The following MGRN1 variants were observed in gnomAD, a reference collection of about 807,000 sequenced individuals.
MGRN1 encodes mahogunin ring finger 1.
Under a neutral mutation model 69.2 loss-of-function variants are expected in MGRN1, and 29 were observed. That is an observed-to-expected ratio of 0.42 (90% CI 0.31 to 0.57). The LOEUF is 0.57. Ranked by LOEUF, MGRN1 falls within the 20% of genes least tolerant of loss-of-function variation. MGRN1 has a pLI of 0.15. For synonymous variants in MGRN1, 470 were observed against 344.2 expected (o/e 1.37, Z -4.04); for missense variants, 998 against 796.2 (o/e 1.25, Z -3.05).
intron 8 of MGRN1, among the ~76,000 whole-genome samples, chr16:4,668,718 TCA>T (rs768405738): frequency 3.9e-4 from 57 of 147,550 alleles, no homozygotes; most frequent in African/African-American, 1.3e-3. Context: ...TCACACTCAC[TCA>T]CATATACATA....
chr16:4,626,140 A>G (rs1897667090), intron 1 of MGRN1, among the ~76,000 whole-genome samples: 1 of 152,216 alleles, frequency 6.6e-6, no homozygotes, highest in South Asian at 2.1e-4. Flanking sequence ...AGGTTTTGTA[A>G]GGTGTGACTA....
intron 1 of MGRN1, 185 bp from the exon 2 acceptor site, chr16:4,650,180 G>C: frequency 2.0e-6 from 1 of 509,946 alleles, no homozygotes; most frequent in South Asian, 2.3e-5. Context: ...GTGGGTGCCG[G>C]TAATCCCAGC....
rs34264611 is a variant in MGRN1, at chr16:4,642,128, CTT to C, written c.89-8220_89-8219del. Among the ~76,000 whole-genome samples the C allele has an allele frequency of 1.7e-4, 22 of 128,752 alleles. 1 individual carries two copies. The East Asian group carries it at 4.6e-3, about 27-fold the overall frequency. 84.5% of individuals were successfully genotyped at this position (128,752 alleles called of 152,430 possible). A position where few individuals can be genotyped will look rare whatever the true frequency, so the allele number is the denominator to read the frequency against. Reference sequence around the variant, plus strand: ...TCCCTGTCAGCATATGACTTGGTTCCTTTTTTTTTTTTTTTTTTAAAAAAGAC... The same window carrying C: ...TCCCTGTCAGCATATGACTTGGTTCCTTTTTTTTTTTTTTTTAAAAAAGAC... On this transcript the variant is annotated intron_variant, in intron 1 of 16. Transcript: ENST00000262370.
At chr16:4,670,495 G>C (rs187693938) in intron 8 of MGRN1, among the ~76,000 whole-genome samples, 3 of 152,198 alleles carry the variant, frequency 2.0e-5, no homozygotes, top group South Asian at 2.1e-4. Flanking sequence ...CACCAGCCTC[G>C]GCCTCCTACT....
rs769855682 is a variant in MGRN1 at position 4,625,531 on chromosome 16, G to C, written c.88+483G>C. On this transcript the variant is annotated intron_variant, in intron 1 of 16. Coordinates refer to ENST00000262370, the MANE Select transcript of MGRN1 (RefSeq NM_015246.4). Reference sequence around the variant, plus strand: ...TCCCATCAGGACGGAGGCTCTTGGTGTGTGGGTTGGAGGAGTGGGGCTGGG... The same window carrying C: ...TCCCATCAGGACGGAGGCTCTTGGTCTGTGGGTTGGAGGAGTGGGGCTGGG... 7.6e-4 allele frequency among the ~76,000 whole-genome samples: 116 copies of C among 152,226 alleles called. 1 individual carries two copies. Among genetic ancestry groups the C allele is most frequent in the Non-Finnish European group, 1.4e-3 (92 of 68,050 alleles).
chr16:4,682,054 C>G (rs1287920212), intron 13 of MGRN1, among the ~76,000 whole-genome samples: 1 of 152,244 alleles, frequency 6.6e-6, no homozygotes, highest in Non-Finnish European at 1.5e-5. Flanking sequence ...GAGCAGGAAA[C>G]TGCAGGGGTC....
chr16:4,647,930 G>A (rs1393897113), intron 1 of MGRN1, among the ~76,000 whole-genome samples: 2 of 152,142 alleles, frequency 1.3e-5, no homozygotes, highest in African/African-American at 4.8e-5. Context: ...GAGCACCCTG[G>A]AATCACTGTT....
At chr16:4,674,891 C>G (rs993688285) in intron 10 of MGRN1, among the ~76,000 whole-genome samples, 1 of 150,698 alleles carries the variant, frequency 6.6e-6, no homozygotes, top group African/African-American at 2.4e-5. Context: ...CCACCCGCCT[C>G]GGCCTCCCAA....
At chr16:4,627,220 C>G (rs533818330) in intron 1 of MGRN1, among the ~76,000 whole-genome samples, 1 of 152,216 alleles carries the variant, frequency 6.6e-6, no homozygotes, top group Non-Finnish European at 1.5e-5. Context: ...GATGAGAAAG[C>G]TTTCTTTTCA....
chr16:4,674,225 C>G (rs760203079), intron 10 of MGRN1, among the ~76,000 whole-genome samples: 1 of 152,128 alleles, frequency 6.6e-6, no homozygotes, highest in Non-Finnish European at 1.5e-5. Context: ...CTCAAGTAAT[C>G]TGCCTGCCTC....
chr16:4,654,280 C>G (rs1302893529), intron 4 of MGRN1, among the ~76,000 whole-genome samples: 2 of 152,262 alleles, frequency 1.3e-5, no homozygotes, highest in East Asian at 1.9e-4. Context: ...CTCCTAGCAC[C>G]CCTGTTGCTG....
At chr16:4,639,661 C>T (rs1201268115) in intron 1 of MGRN1, 3 of 152,222 alleles carry the variant, frequency 2.0e-5, no homozygotes, top group South Asian at 4.1e-4. Context: ...ACATGGTCCC[C>T]GTATTGGGGG....
At chr16:4,644,915 C>T (rs541870131) in intron 1 of MGRN1, among the ~76,000 whole-genome samples, 1 of 152,166 alleles carries the variant, frequency 6.6e-6, no homozygotes, top group Admixed American at 6.5e-5. Flanking sequence ...GATATTACAA[C>T]CATTGCTTTA....
At chr16:4,686,072 C>A (rs925599017) in intron 16 of MGRN1, among the ~76,000 whole-genome samples, 4 of 151,350 alleles carry the variant, frequency 2.6e-5, no homozygotes, top group African/African-American at 7.3e-5. Flanking sequence ...CGCTCCTCCG[C>A]GTTGAATTCT....
chr16:4,680,248 G>A, intron 12 of MGRN1, 151 bp downstream of exon 12: 1 of 738,702 alleles, frequency 1.4e-6, no homozygotes, highest in Non-Finnish European at 2.2e-6. Flanking sequence ...CCCTGCCCAG[G>A]GAGTTTGTGG....
Position 4,690,831 on chromosome 16 carries a change from T to C in MGRN1, c.*1923T>C, listed in dbSNP as rs1323579078. ...CAAGGCCCCAGCCTCTGGCCATCAG[T>C]CCTGGTGCCAGAGCTTTGCGTGAAG... is the stretch of plus-strand genomic sequence containing the variant. On this transcript the variant is annotated 3_prime_UTR_variant, in exon 17 of 17. Coordinates refer to ENST00000262370, the MANE Select transcript of MGRN1 (RefSeq NM_015246.4). The C allele has an allele frequency of 8.6e-6, 1 of 116,500 alleles. No homozygotes were observed. The highest frequency in any genetic ancestry group is 1.7e-5 in the Non-Finnish European group (1 of 59,512). The allele number at this position is 116,500 out of a possible 1,614,324, so 7.2% of individuals were successfully genotyped here. A position where few individuals can be genotyped will look rare whatever the true frequency, so the allele number is the denominator to read the frequency against.
intron 10 of MGRN1, among the ~76,000 whole-genome samples, chr16:4,674,084 A>G (rs2079001117): frequency 6.6e-6 from 1 of 152,120 alleles, no homozygotes; most frequent in Non-Finnish European, 1.5e-5. Flanking sequence ...TCCTGAGTTC[A>G]AGCAATTCTC....
At chr16:4,683,391 C>G (rs2141981417) in intron 15 of MGRN1, 122 bp downstream of exon 15, 2 of 1,180,236 alleles carry the variant, frequency 1.7e-6, no homozygotes, top group Non-Finnish European at 2.4e-6. Context: ...AACCCTCGGC[C>G]AAGAGGCCCC....
chr16:4,658,674 G>C (rs760173971), intron 5 of MGRN1, among the ~76,000 whole-genome samples: 2 of 151,694 alleles, frequency 1.3e-5, no homozygotes, highest in Non-Finnish European at 2.9e-5. Context: ...CTGACGTTTA[G>C]CCACTCTCTG....
Sources: gnomAD v4.1 joint callset for allele counts (sites outside exome capture counted in the v4.1 genomes callset) on GRCh38, gnomAD v4.1.1 for gene constraint, MANE v1.5 for transcripts, NCBI Gene and HGNC (gene_info 2026-07-23, HGNC 2026-07-21) for gene names.